Variants in SHISA9 observed in about 807,000 individuals in gnomAD.
The protein encoded by SHISA9 is protein shisa-9.
A neutral mutation model predicts 38.0 loss-of-function variants in SHISA9; 13 were observed. The ratio of observed to expected loss-of-function variants is 0.34; its 90% CI spans 0.22 to 0.54. The LOEUF is 0.54. Among genes scored for constraint, SHISA9 ranks in the 20% least tolerant of loss-of-function variants. The pLI is 0.91. For missense variants in SHISA9, 538 were observed against 575.8 expected (o/e 0.93, Z 0.67); for synonymous variants, 275 against 242.0 (o/e 1.14, Z -1.27).
the SHISA9 span, among the ~76,000 whole-genome samples, chr16:13,429,593 A>G: frequency 0.73 from 110,272 of 152,048 alleles, 40,231 homozygotes; most frequent in Admixed American, 0.82. Context: ...TTCTTAACTA[A>G]TTATATCTGC....
At chr16:13,004,948 A>AG (rs1417254544) in intron 2 of SHISA9, among the ~76,000 whole-genome samples, 1 of 104,410 alleles carries the variant, frequency 9.6e-6, no homozygotes, top group East Asian at 2.7e-4. Flanking sequence ...AAAAAGAAAA[A>AG]AAAAAAAAAA....
At chr16:12,997,269 A>G (rs2072468613) in intron 2 of SHISA9, among the ~76,000 whole-genome samples, 1 of 151,868 alleles carries the variant, frequency 6.6e-6, no homozygotes, top group Admixed American at 6.6e-5. Context: ...TTGGCAGGAC[A>G]TCTTTGAATT....
At chr16:13,174,233 C>T (rs1176682593) in intron 2 of SHISA9, among the ~76,000 whole-genome samples, 3 of 152,162 alleles carry the variant, frequency 2.0e-5, no homozygotes, top group Admixed American at 1.3e-4. Context: ...GGGGCCTTCT[C>T]ATGCAACCAT....
At chr16:12,970,103 C>T (rs1290857620) in intron 2 of SHISA9, among the ~76,000 whole-genome samples, 2 of 150,364 alleles carry the variant, frequency 1.3e-5, no homozygotes, top group Non-Finnish European at 3.0e-5. Flanking sequence ...CTTTATTTCC[C>T]TTTATGTATT....
At chr16:12,970,481 A>ATATACATATATGTGTG (rs1469962254) in intron 2 of SHISA9, among the ~76,000 whole-genome samples, 26 of 20,938 alleles carry the variant, frequency 1.2e-3, no homozygotes, top group African/African-American at 4.0e-3. Context: ...ATATATATAT[A>ATATACATATATGTGTG]TATATATATA....
At chr16:13,556,472 A>C in the SHISA9 span, among the ~76,000 whole-genome samples, 1 of 152,116 alleles carries the variant, frequency 6.6e-6, no homozygotes, top group Non-Finnish European at 1.5e-5. Flanking sequence ...CATCCTGGCT[A>C]ACATGGTGAA....
chr16:13,223,734 T>A (rs1437917575), intron 4 of SHISA9, among the ~76,000 whole-genome samples: 1 of 152,142 alleles, frequency 6.6e-6, no homozygotes, highest in Non-Finnish European at 1.5e-5. Context: ...GGCCTCAAAA[T>A]CATGGTGGAA....
At chr16:13,395,995 A>G in the SHISA9 span, among the ~76,000 whole-genome samples, 2 of 152,232 alleles carry the variant, frequency 1.3e-5, no homozygotes, top group Non-Finnish European at 2.9e-5. Context: ...TTTATTTGAA[A>G]CACGGCCCTG....
At chr16:13,537,450 A>G in the SHISA9 span, among the ~76,000 whole-genome samples, 1 of 152,024 alleles carries the variant, frequency 6.6e-6, no homozygotes, top group Non-Finnish European at 1.5e-5. Context: ...GAAAGAAAGA[A>G]AAAATTTTAA....
rs1567201851 is a variant in SHISA9 at position 13,070,154 on chromosome 16, GCAC to G, written c.692-133239_692-133237del. Reference sequence around the variant, plus strand: ...TGTGTGTGTGTGTGTGTGTGTGTGTGCACGCATGTGTCTGTGGAAACTGCCAAA... The same window carrying G: ...TGTGTGTGTGTGTGTGTGTGTGTGTGGCATGTGTCTGTGGAAACTGCCAAA... On this transcript the variant is annotated intron_variant, in intron 2 of 4. Transcript: ENST00000558583. Among the ~76,000 whole-genome samples the G allele has an allele frequency of 6.6e-3, 992 of 149,384 alleles. 13 individuals carry two copies. Among genetic ancestry groups the G allele is most frequent in the African/African-American group, 0.023 (932 of 39,752 alleles).
chr16:13,082,464 A>T (rs1211808502), intron 2 of SHISA9: 1 of 152,060 alleles, frequency 6.6e-6, no homozygotes, highest in Non-Finnish European at 1.5e-5. Flanking sequence ...GCAGCTGCAC[A>T]ATTTCCACCT....
the SHISA9 span, among the ~76,000 whole-genome samples, chr16:13,418,549 A>G: frequency 1.3e-5 from 2 of 152,164 alleles, no homozygotes; most frequent in African/African-American, 2.4e-5. Context: ...GTATGACCAC[A>G]TGGACTTCCC....
chr16:13,378,593 T>A, the SHISA9 span, among the ~76,000 whole-genome samples: 126 of 152,332 alleles, frequency 8.3e-4, 1 homozygote, highest in African/African-American at 2.6e-3. Context: ...AGAGACAGAC[T>A]GTTATTCATG....
the SHISA9 span, among the ~76,000 whole-genome samples, chr16:13,372,815 G>C: frequency 6.6e-6 from 1 of 152,124 alleles, no homozygotes; most frequent in South Asian, 2.1e-4. Context: ...TTACTCCAGA[G>C]TAGTGTTTCT....
chr16:12,948,247 G>C (rs1258643942), intron 2 of SHISA9, among the ~76,000 whole-genome samples: 1 of 152,154 alleles, frequency 6.6e-6, no homozygotes, highest in Non-Finnish European at 1.5e-5. Context: ...GCCGGGATTT[G>C]AACCCTGGTT....
the SHISA9 span, among the ~76,000 whole-genome samples, chr16:13,557,453 G>A: frequency 6.6e-6 from 1 of 152,160 alleles, no homozygotes; most frequent in Non-Finnish European, 1.5e-5. Context: ...TTTGAGTACT[G>A]GAATAAATGA....
At chr16:13,140,644 C>G (rs965123847) in intron 2 of SHISA9, among the ~76,000 whole-genome samples, 1 of 152,200 alleles carries the variant, frequency 6.6e-6, no homozygotes, top group Non-Finnish European at 1.5e-5. Flanking sequence ...CAGACACTAT[C>G]CTTGCCTTCA....
Position 12,902,833 on chromosome 16 carries a change from TTC to T in SHISA9, c.563+207_563+208del, listed in dbSNP as rs1340718199. On this transcript the variant is annotated intron_variant, in intron 1 of 4. Transcript: ENST00000558583. Reference sequence around the variant, plus strand: ...CAGCACAGGTGTGGGTCTGAGCGTGTTCGTGTGTGTGTGAGCGTGTGTGTGTG... The same window carrying T: ...CAGCACAGGTGTGGGTCTGAGCGTGTGTGTGTGTGTGAGCGTGTGTGTGTG... The T allele has an allele frequency of 1.5e-4, 86 of 592,292 alleles. No homozygotes were observed. In the African/African-American group the frequency reaches 1.6e-3, roughly 11 times the overall value. 36.7% of individuals were successfully genotyped at this position (592,292 alleles called of 1,614,324 possible).
the SHISA9 span, among the ~76,000 whole-genome samples, chr16:13,444,286 G>A: frequency 6.6e-6 from 1 of 152,032 alleles, no homozygotes; most frequent in Non-Finnish European, 1.5e-5. Context: ...TGGGAGGATT[G>A]CTTGAGCCCA....
Sources: gnomAD v4.1 joint callset for allele counts (sites outside exome capture counted in the v4.1 genomes callset) on GRCh38, gnomAD v4.1.1 for gene constraint, MANE v1.5 for transcripts, NCBI Gene and HGNC (gene_info 2026-07-23, HGNC 2026-07-21) for gene names.